Variants in PRMT3 observed in about 807,000 individuals in gnomAD.
PRMT3 encodes protein arginine N-methyltransferase 3.
A neutral mutation model predicts 71.9 loss-of-function variants in PRMT3; 62 were observed. That is an observed-to-expected ratio of 0.86 (90% CI 0.70 to 1.07). The LOEUF (loss-of-function observed/expected upper bound fraction) is 1.07. PRMT3 is among the 50% of genes least tolerant of loss of function. The pLI, the probability that PRMT3 is intolerant of heterozygous loss-of-function variation, is 0.00. For missense variants in PRMT3, 663 were observed against 643.0 expected (o/e 1.03, Z -0.34); for synonymous variants, 213 against 220.4 (o/e 0.97, Z 0.30).
chr11:20,388,806 A>G (rs58115591), intron 2 of PRMT3, among the ~76,000 whole-genome samples: 1,582 of 152,322 alleles, frequency 0.01, 36 homozygotes, highest in African/African-American at 0.037. Context: ...CATTCTTGCC[A>G]CTTAAAATTC....
chr11:20,504,707 T>TGTGTGAGAGAGAGAGAGA (rs1332372470), intron 15 of PRMT3, among the ~76,000 whole-genome samples: 33 of 133,642 alleles, frequency 2.5e-4, no homozygotes, highest in Non-Finnish European at 2.9e-4. Context: ...TGTGTGTGTG[T>TGTGTGAGAGAGAGAGAGA]GAGAGAGAGA....
chr11:20,407,842 A>G, intron 8 of PRMT3, 69 bp from the exon 9 acceptor site: 1 of 1,409,918 alleles, frequency 7.1e-7, no homozygotes. Context: ...ATAATATATG[A>G]ATAGAATTTA....
chr11:20,466,157 G>T (rs1008352935), intron 13 of PRMT3, among the ~76,000 whole-genome samples: 2 of 152,112 alleles, frequency 1.3e-5, no homozygotes, highest in Non-Finnish European at 2.9e-5. Context: ...ATTGGTCAGG[G>T]TTCTTAGTTT....
intron 10 of PRMT3, among the ~76,000 whole-genome samples, chr11:20,447,008 T>C (rs1850045639): frequency 6.6e-6 from 1 of 152,190 alleles, no homozygotes; most frequent in African/African-American, 2.4e-5. Flanking sequence ...ATTAGGTGGT[T>C]AGCATTAGCA....
At chr11:20,438,048 T>C (rs918702787) in intron 10 of PRMT3, among the ~76,000 whole-genome samples, 10 of 152,170 alleles carry the variant, frequency 6.6e-5, no homozygotes, top group Non-Finnish European at 1.5e-4. Context: ...GGGGCCACAG[T>C]ACTGCATCAG....
intron 6 of PRMT3, among the ~76,000 whole-genome samples, chr11:20,396,724 T>A (rs1848834610): frequency 6.6e-6 from 1 of 152,172 alleles, no homozygotes; most frequent in South Asian, 2.1e-4. Flanking sequence ...TTTTTTCCAG[T>A]GAATAAATTA....
In PRMT3 at chr11:20,440,383, C is replaced by T. The variant is rs562920242; in HGVS notation, c.994-11747C>T. Among the ~76,000 whole-genome samples, 151 of 151,528 alleles carry T rather than the reference C, an allele frequency of 1.0e-3. 1 individual carries two copies. Among genetic ancestry groups the T allele is most frequent in the African/African-American group, 3.1e-3 (130 of 41,354 alleles). ...AAAAGAGGCCGGGTGTGGTGGCTCACGCCTGTAATCCCAGCACTTTGGGAG... is the reference window on the plus strand; with the variant it reads ...AAAAGAGGCCGGGTGTGGTGGCTCATGCCTGTAATCCCAGCACTTTGGGAG... On this transcript the variant is annotated intron_variant, in intron 10 of 15. Coordinates refer to ENST00000331079, the MANE Select transcript of PRMT3 (RefSeq NM_005788.4).
intron 13 of PRMT3, among the ~76,000 whole-genome samples, chr11:20,488,561 T>A (rs1851134302): frequency 1.3e-5 from 2 of 152,192 alleles, no homozygotes; most frequent in South Asian, 4.1e-4. Flanking sequence ...CCTACTTCTG[T>A]GGCCAGCTGC....
At chr11:20,395,762 T>C (rs999241506) in intron 5 of PRMT3, 41 bp from the exon 6 acceptor site, 10 of 1,578,916 alleles carry the variant, frequency 6.3e-6, no homozygotes, top group Middle Eastern at 1.7e-4. Flanking sequence ...TGTTTTATTG[T>C]TATAAGATGG....
intron 13 of PRMT3, among the ~76,000 whole-genome samples, chr11:20,489,064 A>G (rs1009468533): frequency 6.6e-6 from 1 of 152,190 alleles, no homozygotes; most frequent in Admixed American, 6.5e-5. Flanking sequence ...ACAAAATATC[A>G]AGAGTGATCA....
chr11:20,491,249 T>C (rs1851199375), intron 13 of PRMT3, among the ~76,000 whole-genome samples: 1 of 152,228 alleles, frequency 6.6e-6, no homozygotes, highest in Non-Finnish European at 1.5e-5. Flanking sequence ...TTGTGTTTTC[T>C]GTCACCGTTG....
At chr11:20,466,708 C>T (rs896885044) in intron 13 of PRMT3, among the ~76,000 whole-genome samples, 1 of 151,974 alleles carries the variant, frequency 6.6e-6, no homozygotes, top group African/African-American at 2.4e-5. Flanking sequence ...TAGTTTTATT[C>T]TGTATACTTA....
chr11:20,392,919 A>G lies in PRMT3; in HGVS notation c.320A>G (p.Asn107Ser). Reference protein sequence around the residue: ...RLKNPTVEYMNSIYNPVPWEK... With the variant: ...RLKNPTVEYMSSIYNPVPWEK... The stretch of plus-strand genomic sequence containing the variant: ...CAGAATCCTACAGTTGAGTACATGA[A>G]TTCCATATACAACCCAGTGCCTTGG... The change falls in exon 5 of 16, where the codon AAT becomes AGT. Residue 107 changes from asparagine to serine, a missense_variant. Transcript: ENST00000331079. 6.2e-7 allele frequency: 1 copy of G among 1,600,874 alleles called. No homozygotes were observed. The highest frequency in any genetic ancestry group is 8.6e-7 in the Non-Finnish European group (1 of 1,168,192).
chr11:20,431,873 A>G (rs1337797103), intron 10 of PRMT3, among the ~76,000 whole-genome samples: 1 of 152,150 alleles, frequency 6.6e-6, no homozygotes, highest in African/African-American at 2.4e-5. Context: ...GATAAAATAT[A>G]AAATTCCCAT....
At position 20,397,666 on chromosome 11, in the gene PRMT3, A is replaced by T. The variant is rs1356729641; in HGVS notation, c.650A>T (p.Asp217Val). 4 of 1,614,050 alleles carry T rather than the reference A, an allele frequency of 2.5e-6. No individual in the cohort carries two copies. Among genetic ancestry groups the T allele is most frequent in the Non-Finnish European group, 3.4e-6 (4 of 1,180,034 alleles). The change falls in exon 7 of 16, where the codon GAT becomes GTT. Residue 217 changes from aspartate to valine, a missense_variant. Coordinates refer to ENST00000331079, the MANE Select transcript of PRMT3 (RefSeq NM_005788.4). ...SVIADLQEDE[D>V]GVYFSSYGHY... is the part of the protein sequence containing the mutation. Reference sequence around the variant, plus strand: ...ATTGCGGACCTCCAGGAGGATGAGGATGGTGTTTATTTCAGCTCATACGGG... The same window carrying T: ...ATTGCGGACCTCCAGGAGGATGAGGTTGGTGTTTATTTCAGCTCATACGGG...
chr11:20,429,795 G>C (rs924309225), intron 10 of PRMT3, among the ~76,000 whole-genome samples: 6 of 152,228 alleles, frequency 3.9e-5, no homozygotes, highest in African/African-American at 1.4e-4. Flanking sequence ...ATGGCAGTCA[G>C]CTCTGGATGG....
At chr11:20,473,234 TTCTGC>T (rs1319811410) in intron 13 of PRMT3, among the ~76,000 whole-genome samples, 8 of 152,124 alleles carry the variant, frequency 5.3e-5, no homozygotes, top group Admixed American at 5.2e-4. Context: ...TCTTCTTCAC[TTCTGC>T]TCTAATCTCG....
chr11:20,390,120 C>T (rs1419176902), intron 3 of PRMT3, among the ~76,000 whole-genome samples: 1 of 148,924 alleles, frequency 6.7e-6, no homozygotes, highest in Non-Finnish European at 1.5e-5. Flanking sequence ...CACTGCACTC[C>T]AGCCTGGGCA....
intron 9 of PRMT3, among the ~76,000 whole-genome samples, chr11:20,417,666 A>C (rs910902633): frequency 1.3e-5 from 2 of 152,196 alleles, no homozygotes; most frequent in African/African-American, 4.8e-5. Flanking sequence ...GATAAGTCAT[A>C]GCATTACCTC....
Sources: gnomAD v4.1 joint callset for allele counts (sites outside exome capture counted in the v4.1 genomes callset) on GRCh38, gnomAD v4.1.1 for gene constraint, MANE v1.5 for transcripts, NCBI Gene and HGNC (gene_info 2026-07-23, HGNC 2026-07-21) for gene names.